The following HEPH variants were observed in gnomAD, a reference collection of about 807,000 sequenced individuals.
The protein encoded by HEPH is hephaestin.
Under a neutral mutation model 80.8 loss-of-function variants are expected in HEPH, and 69 were observed. The ratio of observed to expected loss-of-function variants is 0.85; its 90% CI spans 0.70 to 1.04. The LOEUF (loss-of-function observed/expected upper bound fraction) is 1.04. Ranked by LOEUF, HEPH falls within the 50% of genes least tolerant of loss-of-function variation. The probability of loss-of-function intolerance (pLI) is 0.00; values close to 1 mark genes in which losing one functional copy is unlikely to be tolerated. For synonymous variants in HEPH, 431 were observed against 322.8 expected, an observed-to-expected ratio of 1.34 and a Z score of -3.60; for missense variants, 1,115 against 891.3, an observed-to-expected ratio of 1.25 and a Z score of -3.20.
At chrX:66,264,515 G>A (rs2091471249) in intron 20 of HEPH, among the ~76,000 whole-genome samples, 2 of 109,040 alleles carry the variant, frequency 1.8e-5, no homozygotes, top group Non-Finnish European at 3.8e-5. Flanking sequence ...TTTCTGTGCA[G>A]CCCAGGTCCA....
intron 15 of HEPH, among the ~76,000 whole-genome samples, chrX:66,224,074 C>G (rs1017435446): frequency 1.1e-5 from 1 of 90,948 alleles, no homozygotes; most frequent in East Asian, 2.8e-4. Flanking sequence ...TCTGCAGCCC[C>G]TCTTTCCCCC....
intron 19 of HEPH, among the ~76,000 whole-genome samples, chrX:66,261,772 A>G (rs954447617): frequency 2.7e-5 from 3 of 111,910 alleles, no homozygotes; most frequent in African/African-American, 9.7e-5. Flanking sequence ...AATTTAAAAT[A>G]TTTATTCTCT....
intron 1 of HEPH, 24 bp downstream of exon 1, chrX:66,164,494 C>T: frequency 1.3e-6 from 1 of 749,862 alleles, no homozygotes. Context: ...TCTCTCTTTT[C>T]AAACTCTACC....
chrX:66,190,743 A>G (rs937617978), intron 6 of HEPH, among the ~76,000 whole-genome samples: 1 of 111,736 alleles, frequency 8.9e-6, no homozygotes, highest in Non-Finnish European at 1.9e-5. Flanking sequence ...GTAGGTTAGG[A>G]GTTGTAGACT....
Position 66,241,556 on chromosome X carries a change from A to C in HEPH, c.2564-13479A>C, listed in dbSNP as rs761257039. ...AAAGGGTTTAATTCAACAGGAAGAC[A>C]TAACTATCCTAAACATAAATGCGTT... On this transcript the variant is annotated intron_variant, in intron 15 of 20. Transcript: ENST00000343002. Among the ~76,000 whole-genome samples, 5 of 111,904 alleles carry C rather than the reference A, an allele frequency of 4.5e-5. No individual in the cohort carries two copies. The East Asian group carries it at 1.4e-3, about 31-fold the overall frequency.
chrX:66,251,584 A>G (rs181366053), intron 15 of HEPH, among the ~76,000 whole-genome samples: 1 of 110,993 alleles, frequency 9.0e-6, no homozygotes, highest in African/African-American at 3.3e-5. Context: ...TTCTTTATGT[A>G]TTTTGGATAC....
At chrX:66,204,349 T>C (rs1274070509) in intron 13 of HEPH, among the ~76,000 whole-genome samples, 1 of 112,125 alleles carries the variant, frequency 8.9e-6, no homozygotes, top group African/African-American at 3.2e-5. Flanking sequence ...AGAACGGAAA[T>C]GGAGATACAA....
In HEPH at chrX:66,255,089, A is replaced by G. The variant is rs61741152; in HGVS notation, c.2618A>G (p.Asn873Ser). Residue 873 changes from asparagine to serine, a missense_variant, in exon 16 of 21, where the codon AAT becomes AGT. Physicochemically the swap from Asn to Ser is conservative, Grantham distance 46. Around this residue, in one of 3 missense-constraint regions of HEPH, gnomAD observed 716 missense variants for 523.5 expected, o/e 1.37. Coordinates refer to ENST00000343002, the MANE Select transcript of HEPH (RefSeq NM_001367233.3). ...CCAGAGAGGTCTGGCCCTGGGCCCAATGACTCTGCTTGTGTTTCCTGGATC... is the reference window on the plus strand; with the variant it reads ...CCAGAGAGGTCTGGCCCTGGGCCCAGTGACTCTGCTTGTGTTTCCTGGATC... Reference protein sequence around the residue: ...NIPERSGPGPNDSACVSWIYY... With the variant: ...NIPERSGPGPSDSACVSWIYY... 1.8e-4 allele frequency: 212 copies of G among 1,206,359 alleles called. No individual in the cohort carries two copies. The African/African-American group carries it at 2.9e-3, about 17-fold the overall frequency.
chrX:66,225,586 G>A (rs769341332), intron 15 of HEPH, among the ~76,000 whole-genome samples: 16 of 112,747 alleles, frequency 1.4e-4, no homozygotes, highest in African/African-American at 4.5e-4. Context: ...ACTTTCAGAT[G>A]TCTGGACTCC....
intron 15 of HEPH, among the ~76,000 whole-genome samples, chrX:66,227,873 A>C (rs780961222): frequency 1.3e-4 from 15 of 111,158 alleles, no homozygotes; most frequent in Non-Finnish European, 2.6e-4. Context: ...TGCTTTGGCT[A>C]TGTGGGATCT....
At chrX:66,231,663 T>G (rs1602444387) in intron 15 of HEPH, among the ~76,000 whole-genome samples, 1 of 109,623 alleles carries the variant, frequency 9.1e-6, no homozygotes, top group African/African-American at 3.3e-5. Flanking sequence ...CTTATCAGCT[T>G]AAGGAGATTT....
At chrX:66,256,861 G>A (rs1381417320) in intron 17 of HEPH, among the ~76,000 whole-genome samples, 2 of 112,196 alleles carry the variant, frequency 1.8e-5, no homozygotes, top group Non-Finnish European at 3.8e-5. Flanking sequence ...CTGGATTTAT[G>A]TCAGATACAA....
Position 66,197,871 on chromosome X carries a change from G to A in HEPH, c.1690G>A (p.Ala564Thr). ...CCCGCTGCTGGTGTGCAGGGCTGGT[G>A]CCTTGGGTGCAGATGGCAAGCAGGT... ...VGPLLVCRAG[A>T]LGADGKQKGV... The change falls in exon 10 of 21, where the codon GCC (alanine) becomes ACC (threonine). Residue 564 changes from alanine to threonine, a missense_variant. Transcript: ENST00000343002. The A allele has an allele frequency of 8.3e-7, 1 of 1,202,285 alleles. No individual in the cohort carries two copies. The highest frequency in any genetic ancestry group is 1.1e-6 in the Non-Finnish European group (1 of 890,538).
intron 15 of HEPH, among the ~76,000 whole-genome samples, chrX:66,211,913 C>A (rs1333321765): frequency 9.0e-6 from 1 of 111,120 alleles, no homozygotes; most frequent in African/African-American, 3.3e-5. Flanking sequence ...ATTTTCATAC[C>A]ATGTTTTATA....
chrX:66,251,687 T>A (rs2091011730), intron 15 of HEPH, among the ~76,000 whole-genome samples: 1 of 111,694 alleles, frequency 9.0e-6, no homozygotes, highest in African/African-American at 3.2e-5. Flanking sequence ...AAATCAGCCA[T>A]ATTAAGAAAG....
At chrX:66,178,393 C>T (rs769014068) in intron 4 of HEPH, among the ~76,000 whole-genome samples, 52 of 112,195 alleles carry the variant, frequency 4.6e-4, no homozygotes, top group South Asian at 1.8e-3. Flanking sequence ...TGAATAATGC[C>T]GCAATAAACA....
In HEPH at chrX:66,178,280, T is replaced by A. The variant is rs780280836; in HGVS notation, c.625+4479T>A. ...CCCTACAAAGGACATGAACTCATCC[T>A]TTTTTATGGCTGCATAGTATTCCAT... On this transcript the variant is annotated intron_variant, in intron 4 of 20. Coordinates refer to ENST00000343002, the MANE Select transcript of HEPH (RefSeq NM_001367233.3). Among the ~76,000 whole-genome samples, 7 of 112,628 alleles carry A rather than the reference T, an allele frequency of 6.2e-5. No individual in the cohort carries two copies. The East Asian group carries it at 1.1e-3, about 18-fold the overall frequency.
chrX:66,167,561 G>C (rs778937597), intron 1 of HEPH, among the ~76,000 whole-genome samples: 18 of 112,426 alleles, frequency 1.6e-4, no homozygotes, highest in Non-Finnish European at 3.0e-4. Context: ...GTTGCATTCA[G>C]ACTTGGAATG....
chrX:66,238,991 G>T (rs1354552038), intron 15 of HEPH, among the ~76,000 whole-genome samples: 1 of 112,601 alleles, frequency 8.9e-6, no homozygotes, highest in Non-Finnish European at 1.9e-5. Context: ...GCCTTTAAGT[G>T]GTTTTCTGCC....
Sources: allele counts gnomAD v4.1 joint callset (sites outside exome capture counted in the v4.1 genomes callset), GRCh38; gene constraint gnomAD v4.1.1; regional missense constraint gnomAD v4.1.1; transcripts MANE v1.5; gene names NCBI Gene and HGNC (gene_info 2026-07-23, HGNC 2026-07-21).